Variants in TNFAIP1 observed in about 807,000 individuals in gnomAD.
TNFAIP1 encodes TNF alpha induced protein 1.
A neutral mutation model predicts 32.6 loss-of-function variants in TNFAIP1; 20 were observed. That is an observed-to-expected ratio of 0.61 (90% CI 0.43 to 0.89). The LOEUF is 0.89. Among genes scored for constraint, TNFAIP1 ranks in the 40% least tolerant of loss-of-function variants. The pLI is 0.00. For missense variants in TNFAIP1, 319 were observed against 425.1 expected (o/e 0.75, Z 2.20); for synonymous variants, 166 against 166.8 (o/e 1.00, Z 0.04).
At chr17:28,339,256 AAAAG>A (rs1208845222) in intron 1 of TNFAIP1, among the ~76,000 whole-genome samples, 148 bp from the exon 2 acceptor site, 16 of 151,646 alleles carry the variant, frequency 1.1e-4, no homozygotes, top group African/African-American at 2.4e-4. Flanking sequence ...AAAAAAAAAA[AAAAG>A]AAAGCAAAAT....
chr17:28,344,821 A>AGTG lies in TNFAIP1; in HGVS notation c.*221_*222insGTG, dbSNP rs1907492354. ...AGACTGCGTCCTGTCCTATCTGCTC[A>AGTG]CCATCACCCTTCCTGCCCGACGGAG... On this transcript the variant is annotated 3_prime_UTR_variant, in exon 7 of 7. Transcript: ENST00000226225. 1 of 584,586 alleles carries AGTG rather than the reference A, an allele frequency of 1.7e-6. No individual in the cohort carries two copies. The highest frequency in any genetic ancestry group is 3.0e-5 in the Admixed American group (1 of 33,400). 36.2% of individuals were successfully genotyped at this position (584,586 alleles called of 1,614,324 possible).
chr17:28,339,255 A>G (rs1555577757), intron 1 of TNFAIP1, among the ~76,000 whole-genome samples, 153 bp from the exon 2 acceptor site: 1 of 151,682 alleles, frequency 6.6e-6, no homozygotes. Context: ...AAAAAAAAAA[A>G]AAAAGAAAGC....
rs781805107 is a variant in TNFAIP1, at chr17:28,341,243, A to G, written c.382A>G (p.Lys128Glu). 2 of 1,614,176 alleles carry G rather than the reference A, an allele frequency of 1.2e-6. No homozygotes were observed. Among genetic ancestry groups the G allele is most frequent in the East Asian group, 4.5e-5 (2 of 44,890 alleles). ...TCTGTTCTGTGTCGCACAGGACAAG[A>G]AGGACTCCTACCAGCCTGTGTGCAA... ...NMCQSALQDK[K>E]DSYQPVCNIP... Residue 128 changes from lysine (K) to glutamate (E), a missense_variant, in exon 4 of 7, where the codon AAG becomes GAG. By Grantham distance (56) the Lys-to-Glu change is moderately conservative. Transcript: ENST00000226225.
Position 28,344,640 on chromosome 17 carries a change from C to T in TNFAIP1, c.*40C>T, listed in dbSNP as rs782590499. ...AGTCAGGGCACGGGAGGCCCTATCTCCCATCCTGTGGAACCCGCCCCATTG... is the reference window on the plus strand; with the variant it reads ...AGTCAGGGCACGGGAGGCCCTATCTTCCATCCTGTGGAACCCGCCCCATTG... On this transcript the variant is annotated 3_prime_UTR_variant, in exon 7 of 7. Transcript: ENST00000226225. 2 of 1,595,772 alleles carry T rather than the reference C, an allele frequency of 1.3e-6. No individual in the cohort carries two copies. Among genetic ancestry groups the T allele is most frequent in the Middle Eastern group, 1.7e-4 (1 of 5,922 alleles).
Position 28,344,663 on chromosome 17 carries a change from T to C in TNFAIP1, c.*63T>C. On this transcript the variant is annotated 3_prime_UTR_variant, in exon 7 of 7. Transcript: ENST00000226225. ...CTCCCATCCTGTGGAACCCGCCCCATTGGCCACCCCATGCTGCTGCTGCCT... is the reference window on the plus strand; with the variant it reads ...CTCCCATCCTGTGGAACCCGCCCCACTGGCCACCCCATGCTGCTGCTGCCT... 6.6e-7 allele frequency: 1 copy of C among 1,526,090 alleles called. No homozygotes were observed. The highest frequency in any genetic ancestry group is 1.1e-5 in the South Asian group (1 of 88,664). The allele number at this position is 1,526,090 out of a possible 1,614,324, so 94.5% of individuals were successfully genotyped here.
In TNFAIP1 at chr17:28,342,399, G is replaced by A; in HGVS notation, c.671G>A (p.Cys224Tyr). The change falls in exon 6 of 7, where the codon TGC (cysteine) becomes TAC (tyrosine). Residue 224 changes from cysteine (C) to tyrosine (Y), a missense_variant. Physicochemically the swap from Cys to Tyr is radical, Grantham distance 194 (BLOSUM62 -2). Transcript: ENST00000226225. The surrounding 1 kb of genome is among the most constrained non-coding windows in gnomAD (Gnocchi z 4.0). The stretch of plus-strand genomic sequence containing the variant: ...CAGGGCCGTAAGCTGGCAGAGGTGT[G>A]CTGTACCTCCATCGTGTATGCCACG... ...YGQGRKLAEV[C>Y]CTSIVYATEK... 6.3e-7 allele frequency: 1 copy of A among 1,599,746 alleles called. No individual in the cohort carries two copies. Among genetic ancestry groups the A allele is most frequent in the Non-Finnish European group, 8.6e-7 (1 of 1,167,836 alleles).
chr17:28,342,230 C>T lies in TNFAIP1; in HGVS notation c.519-17C>T. On this transcript the variant is annotated splice_polypyrimidine_tract_variant and intron_variant, in intron 5 of 6. Coordinates refer to ENST00000226225, the MANE Select transcript of TNFAIP1 (RefSeq NM_021137.5). This position sits in a 1 kb window ranked among gnomAD's most constrained non-coding sequence, Gnocchi z 4.0. ...GGAACCTCACTCCCAGCCGCTTGGC[C>T]CTCATGTTTTTTTCAGCAACTCTGA... 1.3e-6 allele frequency: 2 copies of T among 1,570,472 alleles called. No individual in the cohort carries two copies. The highest frequency in any genetic ancestry group is 1.7e-6 in the Non-Finnish European group (2 of 1,147,724).
rs1428390301 is a variant in TNFAIP1, at chr17:28,345,905, G to T, written c.*1305G>T. 1.3e-5 allele frequency: 2 copies of T among 152,126 alleles called. No homozygotes were observed. Among genetic ancestry groups the T allele is most frequent in the African/African-American group, 4.8e-5 (2 of 41,424 alleles). The allele number at this position is 152,126 out of a possible 1,614,324, so 9.4% of individuals were successfully genotyped here. ...TTTGGTTTTCATTCCTTTTTGTTTG[G>T]CTTGGCCAAACCAGAATTCAGCTTA... On this transcript the variant is annotated 3_prime_UTR_variant, in exon 7 of 7. Coordinates refer to ENST00000226225, the MANE Select transcript of TNFAIP1 (RefSeq NM_021137.5).
chr17:28,340,230 C>T lies in TNFAIP1; in HGVS notation c.206-79C>T, dbSNP rs975129603. ...GGACCCCCTTCCCTGCCACCTGCCG[C>T]CAGCTTGTCAGGTGGCCTTTGCCTG... On this transcript the variant is annotated intron_variant, in intron 2 of 6. Coordinates refer to ENST00000226225, the MANE Select transcript of TNFAIP1 (RefSeq NM_021137.5). The surrounding 1 kb of genome is among the most constrained non-coding windows in gnomAD (Gnocchi z 4.1). 2.1e-5 allele frequency: 31 copies of T among 1,497,698 alleles called. No individual in the cohort carries two copies. Among genetic ancestry groups the T allele is most frequent in the Non-Finnish European group, 2.8e-5 (31 of 1,089,392 alleles). The allele number at this position is 1,497,698 out of a possible 1,614,324, so 92.8% of individuals were successfully genotyped here.
chr17:28,340,600 A>C lies in TNFAIP1; in HGVS notation c.375+122A>C, dbSNP rs1907330412. The C allele has an allele frequency of 1.7e-6, 2 of 1,167,828 alleles. No homozygotes were observed. Among genetic ancestry groups the C allele is most frequent in the Non-Finnish European group, 2.4e-6 (2 of 833,562 alleles). The allele number at this position is 1,167,828 out of a possible 1,614,324, so 72.3% of individuals were successfully genotyped here. On this transcript the variant is annotated intron_variant, in intron 3 of 6. Transcript: ENST00000226225. The surrounding 1 kb of genome is among the most constrained non-coding windows in gnomAD (Gnocchi z 4.1). ...AGGCGTGGTTGATGAGTGCAAACCT[A>C]ATGAGACAAGTGAGATGCCACCCAG...
intron 5 of TNFAIP1, 47 bp downstream of exon 5, chr17:28,341,503 G>A (rs376818659): frequency 3.8e-4 from 609 of 1,607,450 alleles, no homozygotes; most frequent in Non-Finnish European, 4.7e-4. Context: ...GCAGACCCAA[G>A]GAGTACTGCC....
At chr17:28,339,210 C>G (rs1907270207) in intron 1 of TNFAIP1, among the ~76,000 whole-genome samples, 198 bp from the exon 2 acceptor site, 1 of 150,356 alleles carries the variant, frequency 6.7e-6, no homozygotes, top group Non-Finnish European at 1.5e-5. Flanking sequence ...TGCACTCCAG[C>G]CTGGGTGACA....
intron 2 of TNFAIP1, 117 bp downstream of exon 2, chr17:28,339,843 G>A (rs1907303885): frequency 9.6e-7 from 1 of 1,036,900 alleles, no homozygotes; most frequent in African/African-American, 1.6e-5. Flanking sequence ...GTCTTCACCT[G>A]GAGTCCCTAG....
chr17:28,337,107 A>C (rs1907200262), intron 1 of TNFAIP1, among the ~76,000 whole-genome samples: 1 of 152,090 alleles, frequency 6.6e-6, no homozygotes, highest in Non-Finnish European at 1.5e-5. Context: ...GGCTGCCATC[A>C]TCTCTTCTTG....
intron 1 of TNFAIP1, among the ~76,000 whole-genome samples, chr17:28,338,135 C>G (rs528267550): frequency 6.6e-6 from 1 of 152,220 alleles, no homozygotes; most frequent in East Asian, 1.9e-4. Context: ...GTTAAATGAG[C>G]TAGTACATAT....
chr17:28,338,458 G>C (rs1555577659), intron 1 of TNFAIP1, among the ~76,000 whole-genome samples: 3 of 152,260 alleles, frequency 2.0e-5, no homozygotes, highest in Non-Finnish European at 2.9e-5. Context: ...CTGGTGCCAA[G>C]AAAGGGGAAG....
At chr17:28,341,576 G>A in intron 5 of TNFAIP1, 120 bp downstream of exon 5, 1 of 1,120,828 alleles carries the variant, frequency 8.9e-7, no homozygotes, top group Non-Finnish European at 1.3e-6. Context: ...GTGCCAAGTT[G>A]GGGAAAAACA....
Position 28,339,635 on chromosome 17 carries a change from G to C in TNFAIP1, c.114G>C (p.Leu38=), listed in dbSNP as rs542929594. 34 of 1,613,810 alleles carry C rather than the reference G, an allele frequency of 2.1e-5. No homozygotes were observed. In the South Asian group the frequency reaches 2.2e-4, roughly 10 times the overall value. The change falls in exon 2 of 7, where the codon CTG becomes CTC. Residue 38 remains leucine, a synonymous_variant. Coordinates refer to ENST00000226225, the MANE Select transcript of TNFAIP1 (RefSeq NM_021137.5). ...TCCAGCTCAACGTGGGCGGCTCTCT[G>C]TACTACACCACTGTGCGGGCCCTGA... ...KYVQLNVGGS[L]YYTTVRALTR...
intron 6 of TNFAIP1, among the ~76,000 whole-genome samples, chr17:28,343,895 G>A (rs1907452343): frequency 6.6e-6 from 1 of 152,136 alleles, no homozygotes; most frequent in African/African-American, 2.4e-5. Context: ...ACTCAGCATA[G>A]CAGCTGCTCT....
Sources: allele counts gnomAD v4.1 joint callset (sites outside exome capture counted in the v4.1 genomes callset), GRCh38; gene constraint gnomAD v4.1.1; non-coding constraint Gnocchi (gnomAD v3.1); transcripts MANE v1.5; gene names NCBI Gene and HGNC (gene_info 2026-07-23, HGNC 2026-07-21).